Variants in DNMT3B observed in about 807,000 individuals in gnomAD.
DNMT3B encodes DNA methyltransferase 3 beta.
A neutral mutation model predicts 120.2 loss-of-function variants in DNMT3B; 37 were observed. The observed-to-expected ratio is 0.31, with a 90% CI of 0.24 to 0.40. The LOEUF (loss-of-function observed/expected upper bound fraction) is 0.40, where lower values mean the gene tolerates loss of function less well. DNMT3B is among the 10% of genes least tolerant of loss of function. The pLI is 1.00. For synonymous variants in DNMT3B, 412 were observed against 442.8 expected (o/e 0.93, Z 0.87); for missense variants, 878 against 1,137.3 (o/e 0.77, Z 3.28).
intron 1 of DNMT3B, 151 bp from the exon 2 acceptor site, chr20:32,780,167 G>C: frequency 1.9e-6 from 3 of 1,613,348 alleles, no homozygotes; most frequent in Non-Finnish European, 2.5e-6. Flanking sequence ...GCTATGGGGG[G>C]CAGCCTGGGT....
intron 9 of DNMT3B, 40 bp from the exon 10 acceptor site, chr20:32,793,496 G>A (rs777774264): frequency 6.2e-7 from 1 of 1,605,656 alleles, no homozygotes; most frequent in Admixed American, 1.7e-5. Flanking sequence ...TACATTTAAT[G>A]TAATGTTTTT....
At chr20:32,784,724 G>T (rs776445308) in intron 3 of DNMT3B, 34 bp from the exon 4 acceptor site, 11 of 1,609,716 alleles carry the variant, frequency 6.8e-6, no homozygotes, top group African/African-American at 1.3e-5. Flanking sequence ...ATACCCTGGG[G>T]TCTTCATCAT....
intron 1 of DNMT3B, among the ~76,000 whole-genome samples, chr20:32,765,760 T>C (rs1297456452): frequency 7.4e-6 from 1 of 135,650 alleles, no homozygotes; most frequent in Non-Finnish European, 1.6e-5. Context: ...CTTTTTTTCT[T>C]TTTTTTTTTT....
At chr20:32,781,099 C>T (rs977385026) in intron 2 of DNMT3B, among the ~76,000 whole-genome samples, 11 of 152,208 alleles carry the variant, frequency 7.2e-5, no homozygotes, top group African/African-American at 2.2e-4. Flanking sequence ...TGGAAGGAAT[C>T]GGAGGGCTCC....
At chr20:32,786,958 A>G (rs1484341029) in intron 5 of DNMT3B, among the ~76,000 whole-genome samples, 2 of 152,140 alleles carry the variant, frequency 1.3e-5, no homozygotes, top group African/African-American at 4.8e-5. Flanking sequence ...AGGCAACCCT[A>G]GCGGGTATGG....
At position 32,807,859 on chromosome 20, in the gene DNMT3B, C is replaced by T. The variant is rs1182001726; in HGVS notation, c.2518C>T (p.Arg840Ter). ...AAGGTCCTGGAGCGTGCCTGTCATCCGACACCTCTTCGCCCCTCTGAAGGA... is the reference window on the plus strand; with the variant it reads ...AAGGTCCTGGAGCGTGCCTGTCATCTGACACCTCTTCGCCCCTCTGAAGGA... The part of the protein sequence containing the change: ...LGRSWSVPVI[R>*]HLFAPLKDYF... The change falls in exon 23 of 23, where the codon CGA becomes TGA. Residue 840 changes from arginine to a stop codon, truncating the protein, a stop_gained. Transcript: ENST00000328111. LOFTEE classifies it high-confidence loss of function. 1.9e-6 allele frequency: 3 copies of T among 1,614,100 alleles called. No homozygotes were observed. Among genetic ancestry groups the T allele is most frequent in the South Asian group, 1.1e-5 (1 of 91,082 alleles).
intron 22 of DNMT3B, among the ~76,000 whole-genome samples, chr20:32,806,666 C>G (rs187613741): frequency 9.1e-4 from 139 of 152,322 alleles, no homozygotes; most frequent in Non-Finnish European, 1.4e-3. Context: ...TTCTTGAAGA[C>G]TTCAGTTTGC....
Position 32,762,583 on chromosome 20 carries a change from A to T in DNMT3B, c.-123A>T, listed in dbSNP as rs761546035. On this transcript the variant is annotated 5_prime_UTR_variant, in exon 1 of 23. Coordinates refer to ENST00000328111, the MANE Select transcript of DNMT3B (RefSeq NM_006892.4). ...TGGCCCAAGTAAACCTAGCTCGGCG[A>T]TCGGCGCCGGAGATTCGCGAGCCCA... The T allele has an allele frequency of 3.8e-5, 13 of 342,704 alleles. No individual in the cohort carries two copies. The highest frequency in any genetic ancestry group is 2.8e-4 in the South Asian group (13 of 46,480). 21.2% of individuals were successfully genotyped at this position (342,704 alleles called of 1,614,324 possible).
rs917439660 is a variant in DNMT3B at position 32,796,842 on chromosome 20, T to C, written c.1350T>C (p.Phe450=). 6.2e-7 allele frequency: 1 copy of C among 1,614,184 alleles called. No homozygotes were observed. The highest frequency in any genetic ancestry group is 1.7e-5 in the Admixed American group (1 of 60,012). Residue 450 remains phenylalanine (F), a synonymous_variant, in exon 13 of 23, where the codon TTT becomes TTC. Transcript: ENST00000328111. ...ACCCCGTGTCCTTCCACCCTCTCTT[T>C]GAGGGGGGGCTCTGTCAGACATGCC... ...RKNPVSFHPL[F]EGGLCQTCRD...
In DNMT3B at chr20:32,809,213, ATT is replaced by A. The variant is rs398088406; in HGVS notation, c.*1317_*1318del. ...TTTTATGTTTAACGTTTTCATTAAAATTTTTTTTGTAACTGGAGCCACGACGT... is the reference window on the plus strand; with the variant it reads ...TTTTATGTTTAACGTTTTCATTAAAATTTTTTGTAACTGGAGCCACGACGT... On this transcript the variant is annotated 3_prime_UTR_variant, in exon 23 of 23. Coordinates refer to ENST00000328111, the MANE Select transcript of DNMT3B (RefSeq NM_006892.4). The A allele has an allele frequency of 1.2e-4, 26 of 216,392 alleles. No homozygotes were observed. Among genetic ancestry groups the A allele is most frequent in the Non-Finnish European group, 2.0e-4 (21 of 107,580 alleles). 13.4% of individuals were successfully genotyped at this position (216,392 alleles called of 1,614,324 possible).
At chr20:32,792,583 C>T (rs1348468206) in intron 8 of DNMT3B, 43 bp from the exon 9 acceptor site, 1 of 1,613,728 alleles carries the variant, frequency 6.2e-7, no homozygotes, top group Non-Finnish European at 8.5e-7. Context: ...TGGCGAGCAC[C>T]TCCTCCCCAC....
rs1166911475 is a variant in DNMT3B, at chr20:32,799,069, C to T, written c.1675-175C>T. On this transcript the variant is annotated intron_variant, in intron 15 of 22. Coordinates refer to ENST00000328111, the MANE Select transcript of DNMT3B (RefSeq NM_006892.4). The stretch of plus-strand genomic sequence containing the variant: ...TAAATTGACCATTCCTTGCCAAATG[C>T]AGGCTCGTGTGGTACACACTTGTCT... Among the ~76,000 whole-genome samples, 3 of 152,242 alleles carry T rather than the reference C, an allele frequency of 2.0e-5. No individual in the cohort carries two copies. The East Asian group carries it at 5.8e-4, about 29-fold the overall frequency.
At chr20:32,789,082 A>G in intron 7 of DNMT3B, 70 bp downstream of exon 7, 1 of 1,598,588 alleles carries the variant, frequency 6.3e-7, no homozygotes, top group South Asian at 1.1e-5. Context: ...TTTGAAGACA[A>G]AGGCCTGGGA....
intron 22 of DNMT3B, among the ~76,000 whole-genome samples, chr20:32,807,239 C>T (rs1044374171): frequency 6.6e-6 from 1 of 152,176 alleles, no homozygotes. Context: ...CCTCTGTAGC[C>T]TCTTTCCAGG....
At chr20:32,769,009 A>G (rs1601045546) in intron 1 of DNMT3B, among the ~76,000 whole-genome samples, 2 of 152,204 alleles carry the variant, frequency 1.3e-5, no homozygotes, top group Non-Finnish European at 2.9e-5. Flanking sequence ...AATTAGGGGA[A>G]TTGCTCAGTA....
intron 4 of DNMT3B, among the ~76,000 whole-genome samples, chr20:32,785,846 T>C (rs186028287): frequency 6.6e-6 from 1 of 151,800 alleles, no homozygotes; most frequent in East Asian, 2.0e-4. Flanking sequence ...AAGTTTATTT[T>C]AGAGTGAACA....
In DNMT3B at chr20:32,762,408, G is replaced by C. The variant is rs1941932989; in HGVS notation, c.-298G>C. ...CCACCCACTCCCGCTGCCCCGTCCG[G>C]CCCGCGCCGCTTCCTCGCAGCAGCT... is the stretch of plus-strand genomic sequence containing the variant. On this transcript the variant is annotated 5_prime_UTR_variant, in exon 1 of 23. Transcript: ENST00000328111. 6.4e-6 allele frequency: 1 copy of C among 155,300 alleles called. No homozygotes were observed. The highest frequency in any genetic ancestry group is 1.4e-5 in the Non-Finnish European group (1 of 70,856). 9.6% of individuals were successfully genotyped at this position (155,300 alleles called of 1,614,324 possible).
intron 20 of DNMT3B, 66 bp downstream of exon 20, chr20:32,802,536 T>A: frequency 1.3e-6 from 2 of 1,503,948 alleles, no homozygotes; most frequent in East Asian, 4.5e-5. Flanking sequence ...AGCTCTGACA[T>A]TCAAGCCTTC....
chr20:32,766,787 T>C (rs1005765031), intron 1 of DNMT3B, among the ~76,000 whole-genome samples: 3 of 152,260 alleles, frequency 2.0e-5, no homozygotes, highest in African/African-American at 7.2e-5. Context: ...TTTCACCTCA[T>C]TGCCCAAGCT....
Sources: gnomAD v4.1 joint callset for allele counts (sites outside exome capture counted in the v4.1 genomes callset) on GRCh38, gnomAD v4.1.1 for gene constraint, MANE v1.5 for transcripts, NCBI Gene and HGNC (gene_info 2026-07-23, HGNC 2026-07-21) for gene names.